Variants in ALK observed in about 807,000 individuals in gnomAD.
ALK encodes the protein ALK tyrosine kinase receptor.
In ALK, 74 loss-of-function variants were observed where a neutral mutation model predicts 163.1. The observed-to-expected ratio is 0.45, with a 90% confidence interval of 0.38 to 0.55. ALK has a LOEUF of 0.55. ALK is among the 20% of genes least tolerant of loss of function. The pLI is 0.00. For missense variants in ALK, 2,063 were observed against 2,105.3 expected, an observed-to-expected ratio of 0.98 and a Z score of 0.39; for synonymous variants, 960 against 843.2, an observed-to-expected ratio of 1.14 and a Z score of -2.40.
At chr2:29,905,737 G>T (rs912050790) in intron 1 of ALK, among the ~76,000 whole-genome samples, 1 of 152,112 alleles carries the variant, frequency 6.6e-6, no homozygotes, top group Non-Finnish European at 1.5e-5. Context: ...TTTCCCCCTT[G>T]GCTGCATTTG....
rs531455934 is a variant in ALK, at chr2:29,817,112, C to T, written c.668-99415G>A. On this transcript the variant is annotated intron_variant, in intron 1 of 28. Coordinates refer to ENST00000389048, the MANE Select transcript of ALK (RefSeq NM_004304.5). ...GCTTCAGTAGTAACCTGCCCAAGGT[C>T]ACACAGCTTCAACACTGCCACTTAT... is the stretch of plus-strand genomic sequence containing the variant. Among the ~76,000 whole-genome samples the T allele has an allele frequency of 3.5e-3, 531 of 152,094 alleles. 4 individuals carry two copies. Among genetic ancestry groups the T allele is most frequent in the Middle Eastern group, 0.01 (3 of 294 alleles).
chr2:29,631,093 T>C (rs896034962), intron 3 of ALK, among the ~76,000 whole-genome samples: 2 of 152,208 alleles, frequency 1.3e-5, no homozygotes, highest in Admixed American at 1.3e-4. Flanking sequence ...AAAATGTAAG[T>C]GAATAACACA....
chr2:29,815,530 G>A (rs867057118), intron 1 of ALK, among the ~76,000 whole-genome samples: 26 of 152,174 alleles, frequency 1.7e-4, no homozygotes, highest in African/African-American at 5.6e-4. Flanking sequence ...TGAGGAAGGA[G>A]AAGTTCTTGT....
chr2:29,541,108 C>A (rs1299167590), intron 3 of ALK, among the ~76,000 whole-genome samples: 1 of 152,166 alleles, frequency 6.6e-6, no homozygotes, highest in Non-Finnish European at 1.5e-5. Flanking sequence ...CCTGCAATGC[C>A]ACCTCCTGGA....
At chr2:29,807,038 T>C (rs1285848464) in intron 1 of ALK, among the ~76,000 whole-genome samples, 1 of 152,218 alleles carries the variant, frequency 6.6e-6, no homozygotes, top group Non-Finnish European at 1.5e-5. Context: ...CAAATTTCAC[T>C]TGGGAGCAAT....
chr2:29,418,340 A>G (rs972371089), intron 4 of ALK, among the ~76,000 whole-genome samples: 26 of 152,182 alleles, frequency 1.7e-4, no homozygotes, highest in Non-Finnish European at 2.9e-5. Flanking sequence ...CCAAGTTTTT[A>G]TGCTCTCTAC....
chr2:29,884,970 C>A (rs1666951821), intron 1 of ALK, among the ~76,000 whole-genome samples: 1 of 152,178 alleles, frequency 6.6e-6, no homozygotes, highest in Admixed American at 6.5e-5. Context: ...GCTAACTCTA[C>A]CATTTTGTGC....
intron 4 of ALK, among the ~76,000 whole-genome samples, chr2:29,415,081 C>T (rs765111359): frequency 6.6e-6 from 1 of 150,892 alleles, no homozygotes; most frequent in Non-Finnish European, 1.5e-5. Context: ...ACATCAAATA[C>T]AGTCACAGGC....
intron 3 of ALK, among the ~76,000 whole-genome samples, chr2:29,683,617 T>A (rs755874760): frequency 3.3e-5 from 5 of 152,182 alleles, no homozygotes; most frequent in Non-Finnish European, 5.9e-5. Context: ...CACTTCCATT[T>A]GTAAATGTGC....
chr2:29,268,335 A>G (rs1395657425), intron 11 of ALK, among the ~76,000 whole-genome samples: 1 of 152,204 alleles, frequency 6.6e-6, no homozygotes, highest in Admixed American at 6.5e-5. Flanking sequence ...ATAATTTGCA[A>G]TGCACCATCT....
At chr2:29,268,519 C>T (rs1230042647) in intron 11 of ALK, among the ~76,000 whole-genome samples, 1 of 152,162 alleles carries the variant, frequency 6.6e-6, no homozygotes, top group African/African-American at 2.4e-5. Context: ...CCCCAGGCCC[C>T]TGCATAGGGT....
chr2:29,646,789 C>T (rs1189451662), intron 3 of ALK, among the ~76,000 whole-genome samples: 2 of 152,132 alleles, frequency 1.3e-5, no homozygotes, highest in Non-Finnish European at 2.9e-5. Context: ...TCCTGACCAC[C>T]CTTTCAAAAA....
intron 4 of ALK, among the ~76,000 whole-genome samples, chr2:29,515,219 G>A (rs1469894764): frequency 6.6e-6 from 1 of 152,086 alleles, no homozygotes; most frequent in Admixed American, 6.5e-5. Flanking sequence ...GCTCCCCTGA[G>A]CCCCTGGCCT....
intron 13 of ALK, among the ~76,000 whole-genome samples, chr2:29,234,430 A>G (rs1664314542): frequency 1.3e-5 from 2 of 152,178 alleles, no homozygotes; most frequent in Admixed American, 6.5e-5. Flanking sequence ...GCAAGAGGCC[A>G]GACTCAAGTT....
intron 23 of ALK, among the ~76,000 whole-genome samples, chr2:29,217,743 C>T (rs1206150095): frequency 6.6e-6 from 1 of 152,154 alleles, no homozygotes; most frequent in East Asian, 1.9e-4. Context: ...TTCCTGCACA[C>T]AGTAGGTCAT....
At chr2:29,224,533 A>C (rs1323744670) in intron 19 of ALK, 1 of 229,436 alleles carries the variant, frequency 4.4e-6, no homozygotes, top group African/African-American at 2.2e-5. Context: ...ACTCCATGGA[A>C]GCCAGAACAA....
intron 3 of ALK, among the ~76,000 whole-genome samples, chr2:29,683,222 C>T (rs1678130547): frequency 6.6e-6 from 1 of 151,750 alleles, no homozygotes; most frequent in Admixed American, 6.6e-5. Flanking sequence ...AATAAAAATA[C>T]AAAAATTAGC....
chr2:29,382,147 TAGGGA>T (rs976173468), intron 5 of ALK, among the ~76,000 whole-genome samples: 3 of 152,198 alleles, frequency 2.0e-5, no homozygotes, highest in African/African-American at 7.2e-5. Flanking sequence ...CCACTTTCTC[TAGGGA>T]ATCAGAGGAA....
In ALK at chr2:29,328,386, C is replaced by T. The variant is rs1425067580; in HGVS notation, c.1378G>A (p.Asp460Asn). The T allele has an allele frequency of 1.9e-6, 3 of 1,614,084 alleles. No individual in the cohort carries two copies. The highest frequency in any genetic ancestry group is 2.7e-5 in the African/African-American group (2 of 74,934). The change falls in exon 6 of 29, where the codon GAC becomes AAC. Residue 460 changes from aspartate to asparagine, a missense_variant. This residue lies in a region of ALK where 987 missense variants were observed against 939.5 expected (regional missense o/e 1.05). Transcript: ENST00000389048. ...CTCTCATCTTCTCCCTGGGCACAGTCCTGGTGGAAGTCACAGGCCTGCCCA... is the reference window on the plus strand; with the variant it reads ...CTCTCATCTTCTCCCTGGGCACAGTTCTGGTGGAAGTCACAGGCCTGCCCA... ...QLGQACDFHQ[D>N]CAQGEDESQM...
Sources: allele counts gnomAD v4.1 joint callset (sites outside exome capture counted in the v4.1 genomes callset), GRCh38; gene constraint gnomAD v4.1.1; regional missense constraint gnomAD v4.1.1; transcripts MANE v1.5; gene names NCBI Gene and HGNC (gene_info 2026-07-23, HGNC 2026-07-21).